TUBD1: variants seen among roughly 807,000 people sequenced by gnomAD.
TUBD1 encodes the protein tubulin delta 1.
TUBD1 carries 38 observed loss-of-function variants against 51.2 expected under a neutral mutation model. The ratio of observed to expected loss-of-function variants is 0.74; its 90% CI spans 0.57 to 0.97. TUBD1 has a LOEUF of 0.97. TUBD1 is among the 50% of genes least tolerant of loss of function. The pLI is 0.00. For missense variants in TUBD1, 489 were observed against 538.4 expected (o/e 0.91, Z 0.91); for synonymous variants, 169 against 178.2 (o/e 0.95, Z 0.41).
chr17:59,882,485 C>T (rs774756278), intron 3 of TUBD1, among the ~76,000 whole-genome samples: 16 of 152,042 alleles, frequency 1.1e-4, no homozygotes, highest in Non-Finnish European at 1.9e-4. Flanking sequence ...CAGGGTTTCA[C>T]CATGTTGGCC....
In TUBD1 at chr17:59,863,680, T is replaced by C; in HGVS notation, c.1243A>G (p.Asn415Asp). 1 of 1,581,034 alleles carries C rather than the reference T, an allele frequency of 6.3e-7. No individual in the cohort carries two copies. The highest frequency in any genetic ancestry group is 8.6e-7 in the Non-Finnish European group (1 of 1,169,310). ...PLDMIVGKAWNMFASKAYIHQ... is the reference protein window; with the variant it reads ...PLDMIVGKAWDMFASKAYIHQ... ...TATACTTACTTTGAAGCAAACATAT[T>C]CCATGCCTTCCCAACAATCATATCA... is the stretch of plus-strand genomic sequence containing the variant. The change falls in exon 8 of 9, where the codon AAT becomes GAT. Residue 415 changes from asparagine (N) to aspartate (D), a missense_variant. Physicochemically the swap from Asn to Asp is conservative, Grantham distance 23. Coordinates refer to ENST00000325752, the MANE Select transcript of TUBD1 (RefSeq NM_016261.4).
chr17:59,880,547 CT>C (rs1159737330), intron 4 of TUBD1, among the ~76,000 whole-genome samples: 2 of 151,866 alleles, frequency 1.3e-5, no homozygotes, highest in Non-Finnish European at 2.9e-5. Context: ...CGGAGTCTTG[CT>C]CTATTGCCCA....
Position 59,890,951 on chromosome 17 carries a change from C to A in TUBD1, c.52G>T (p.Glu18Ter). ...TCACTAAGCAAAGCATCAAAAACTT[C>A]AAAACCAATCTGATTGCCACACTGA... ...LGQCGNQIGF[E>*]VFDALLSDSH... Residue 18 changes from glutamate (E) to a stop codon, truncating the protein, a stop_gained, in exon 2 of 9, where the codon GAA becomes TAA. Coordinates refer to ENST00000325752, the MANE Select transcript of TUBD1 (RefSeq NM_016261.4). LOFTEE classifies it high-confidence loss of function. The A allele has an allele frequency of 6.2e-7, 1 of 1,613,900 alleles. No homozygotes were observed. Among genetic ancestry groups the A allele is most frequent in the Non-Finnish European group, 8.5e-7 (1 of 1,179,990 alleles).
At chr17:59,887,363 C>G (rs1436302156) in intron 2 of TUBD1, among the ~76,000 whole-genome samples, 3 of 150,172 alleles carry the variant, frequency 2.0e-5, no homozygotes, top group African/African-American at 7.4e-5. Flanking sequence ...GAGTGAGACT[C>G]TGTCTCAAAA....
Position 59,890,716 on chromosome 17 carries a change from A to T in TUBD1, c.172+115T>A, listed in dbSNP as rs533680387. The T allele has an allele frequency of 2.9e-5, 26 of 881,856 alleles. No homozygotes were observed. The African/African-American group carries it at 3.4e-4, about 12-fold the overall frequency. The allele number at this position is 881,856 out of a possible 1,614,324, so 54.6% of individuals were successfully genotyped here. ...TAACATAGAAATGAAAAGCAAAAAC[A>T]AAGTAATTCCCTAGTGAGATGGGAA... On this transcript the variant is annotated intron_variant, in intron 2 of 8. Coordinates refer to ENST00000325752, the MANE Select transcript of TUBD1 (RefSeq NM_016261.4).
At chr17:59,872,693 AAT>A (rs1491151899) in intron 6 of TUBD1, among the ~76,000 whole-genome samples, 111 of 97,970 alleles carry the variant, frequency 1.1e-3, no homozygotes, top group African/African-American at 4.0e-3. Context: ...TGAAAATGGG[AAT>A]GTGTGTGTGT....
chr17:59,865,140 G>A (rs1363693026), intron 7 of TUBD1, among the ~76,000 whole-genome samples: 4 of 152,112 alleles, frequency 2.6e-5, no homozygotes, highest in Non-Finnish European at 5.9e-5. Context: ...TTACATATAC[G>A]TGCCACTGTG....
Position 59,890,874 on chromosome 17 carries a change from T to G in TUBD1, c.129A>C (p.Gln43His). 6.2e-7 allele frequency: 1 copy of G among 1,613,580 alleles called. No individual in the cohort carries two copies. The highest frequency in any genetic ancestry group is 1.3e-5 in the African/African-American group (1 of 75,014). ...LCSMRENEAY[Q>H]ASCKERFFSE... Reference sequence around the variant, plus strand: ...TGAAGAATCTTTCTTTGCAAGATGCTTGATATGCCTCATTCTCTCTCATAG... The same window carrying G: ...TGAAGAATCTTTCTTTGCAAGATGCGTGATATGCCTCATTCTCTCTCATAG... The change falls in exon 2 of 9, where the codon CAA becomes CAC. Residue 43 changes from glutamine to histidine, a missense_variant. Transcript: ENST00000325752.
At chr17:59,868,673 C>T (rs1327908154) in intron 6 of TUBD1, among the ~76,000 whole-genome samples, 2 of 151,936 alleles carry the variant, frequency 1.3e-5, no homozygotes, top group Non-Finnish European at 2.9e-5. Context: ...CCCATCTCTA[C>T]TAAAAATACA....
intron 6 of TUBD1, among the ~76,000 whole-genome samples, chr17:59,873,961 G>A (rs1030597699): frequency 2.0e-5 from 3 of 152,030 alleles, no homozygotes; most frequent in African/African-American, 4.8e-5. Flanking sequence ...AGGCCAAGAC[G>A]GGTGGATCAC....
chr17:59,889,360 A>G (rs2040880605), intron 2 of TUBD1, among the ~76,000 whole-genome samples: 2 of 151,314 alleles, frequency 1.3e-5, no homozygotes, highest in Admixed American at 1.3e-4. Flanking sequence ...GTAGAGGAGT[A>G]AAGTGAATTA....
intron 4 of TUBD1, 44 bp from the exon 5 acceptor site, chr17:59,878,378 A>C: frequency 2.9e-6 from 4 of 1,383,666 alleles, no homozygotes; most frequent in Non-Finnish European, 4.1e-6. Flanking sequence ...GGAGAGAATA[A>C]TGGTTAAGAT....
rs1419281482 is a variant in TUBD1 at position 59,859,698 on chromosome 17, T to A, written c.*624A>T. On this transcript the variant is annotated 3_prime_UTR_variant, in exon 9 of 9. Transcript: ENST00000325752. The stretch of plus-strand genomic sequence containing the variant: ...AATTCCTTAGCTTGAAATTATGCTG[T>A]GAAAGTTTGGTTCATGCTTTGTGAG... 1 of 152,628 alleles carries A rather than the reference T, an allele frequency of 6.6e-6. No individual in the cohort carries two copies. The highest frequency in any genetic ancestry group is 1.5e-5 in the Non-Finnish European group (1 of 68,042). The allele number at this position is 152,628 out of a possible 1,614,324, so 9.5% of individuals were successfully genotyped here.
chr17:59,886,415 T>A (rs770035184), intron 2 of TUBD1, 185 bp from the exon 3 acceptor site: 112 of 589,412 alleles, frequency 1.9e-4, no homozygotes, highest in Non-Finnish European at 2.9e-4. Flanking sequence ...TATGCAGATG[T>A]TCACCAAGCC....
chr17:59,866,687 TGA>T lies in TUBD1; in HGVS notation c.995_996del (p.Leu332GlnfsTer7). On this transcript the variant is annotated frameshift_variant, in exon 7 of 9. Coordinates refer to ENST00000325752, the MANE Select transcript of TUBD1 (RefSeq NM_016261.4). LOFTEE classifies it high-confidence loss of function. ...SGLPPLSKMS[L>X]NKDLHFNTSI... ...GAAGTGTTAAAATGCAGGTCCTTGT[TGA>T]GAGACATTTTACTAAGAGGAGGAAG... is the stretch of plus-strand genomic sequence containing the variant. The T allele has an allele frequency of 1.2e-6, 2 of 1,614,134 alleles. No individual in the cohort carries two copies. The highest frequency in any genetic ancestry group is 1.7e-6 in the Non-Finnish European group (2 of 1,180,016).
chr17:59,873,251 G>T (rs369095940), intron 6 of TUBD1, among the ~76,000 whole-genome samples: 20,525 of 131,590 alleles, frequency 0.16, 1,580 homozygotes, highest in Middle Eastern at 0.2. Context: ...GTTGTTTTTT[G>T]TTGTTGTTTT....
At chr17:59,873,002 A>T (rs2040064992) in intron 6 of TUBD1, among the ~76,000 whole-genome samples, 1 of 151,396 alleles carries the variant, frequency 6.6e-6, no homozygotes, top group South Asian at 2.1e-4. Context: ...ACCTCAGGTG[A>T]TCCACCCACC....
Position 59,892,941 on chromosome 17 carries a change from T to A in TUBD1, c.-284A>T, listed in dbSNP as rs1598602037. On this transcript the variant is annotated 5_prime_UTR_variant, in exon 1 of 9. Transcript: ENST00000325752. ...GTCCACCGAACGCTCCAGCTGACAA[T>A]GCGCATGCTCTAGTCCTCCAAGCGC... 4 of 533,038 alleles carry A rather than the reference T, an allele frequency of 7.5e-6. No homozygotes were observed. The South Asian group carries it at 1.0e-4, about 14-fold the overall frequency. 33.0% of individuals were successfully genotyped at this position (533,038 alleles called of 1,614,324 possible). A position where few individuals can be genotyped will look rare whatever the true frequency, so the allele number is the denominator to read the frequency against.
chr17:59,885,937 C>A (rs372023893), intron 3 of TUBD1, 146 bp downstream of exon 3: 1 of 887,288 alleles, frequency 1.1e-6, no homozygotes, highest in Non-Finnish European at 1.7e-6. Flanking sequence ...ATGAAAGTTT[C>A]TTCTGGGTAA....
Sources: gnomAD v4.1 joint callset for allele counts (sites outside exome capture counted in the v4.1 genomes callset) on GRCh38, gnomAD v4.1.1 for gene constraint, MANE v1.5 for transcripts, NCBI Gene and HGNC (gene_info 2026-07-23, HGNC 2026-07-21) for gene names.